Variants in LIN7A observed in about 807,000 individuals in gnomAD.
LIN7A encodes the protein protein lin-7 homolog A.
LIN7A carries 25 observed loss-of-function variants against 29.8 expected under a neutral mutation model. The observed-to-expected ratio is 0.84, with a 90% CI of 0.61 to 1.17. The LOEUF (loss-of-function observed/expected upper bound fraction) is 1.17. Among genes scored for constraint, LIN7A ranks in the 50% most tolerant of loss-of-function variants. The pLI, the probability that LIN7A is intolerant of heterozygous loss-of-function variation, is 0.00. For synonymous variants in LIN7A, 118 were observed against 107.5 expected (o/e 1.10, Z -0.60); for missense variants, 239 against 287.0 (o/e 0.83, Z 1.21).
intron 1 of LIN7A, among the ~76,000 whole-genome samples, chr12:80,896,048 A>G (rs564991297): frequency 6.6e-5 from 10 of 152,324 alleles, no homozygotes; most frequent in African/African-American, 1.9e-4. Flanking sequence ...TTTCCGGGAT[A>G]ATATTGATGC....
intron 4 of LIN7A, chr12:80,841,845 GATC>G: frequency 3.1e-6 from 3 of 970,074 alleles, no homozygotes; most frequent in Non-Finnish European, 3.7e-6. Flanking sequence ...GTGAAAAGGA[GATC>G]ATTAGAAAGC....
chr12:80,844,841 C>A (rs1872985165), intron 4 of LIN7A, among the ~76,000 whole-genome samples: 1 of 152,084 alleles, frequency 6.6e-6, no homozygotes, highest in Admixed American at 6.5e-5. Context: ...ACTCTAATTT[C>A]ATTTAAAAAC....
intron 4 of LIN7A, among the ~76,000 whole-genome samples, chr12:80,813,052 C>T (rs979717447): frequency 3.3e-5 from 5 of 151,940 alleles, no homozygotes; most frequent in Non-Finnish European, 5.9e-5. Context: ...GCTCTGTTGC[C>T]CAGGCTAGAG....
chr12:80,923,073 T>A (rs1877397793), intron 1 of LIN7A, among the ~76,000 whole-genome samples: 1 of 152,080 alleles, frequency 6.6e-6, no homozygotes, highest in African/African-American at 2.4e-5. Flanking sequence ...GTAAAGAAGA[T>A]CCACCCTCAC....
At chr12:80,903,443 T>C (rs772844652) in intron 1 of LIN7A, among the ~76,000 whole-genome samples, 82 of 152,108 alleles carry the variant, frequency 5.4e-4, no homozygotes, top group Non-Finnish European at 8.2e-4. Context: ...CACTTATAAG[T>C]GAGAACATGT....
At chr12:80,802,590 T>A (rs1423926842) in intron 5 of LIN7A, among the ~76,000 whole-genome samples, 1 of 152,168 alleles carries the variant, frequency 6.6e-6, no homozygotes, top group South Asian at 2.1e-4. Flanking sequence ...CCACCACTGG[T>A]GCACAAGGAT....
At chr12:80,878,152 T>C (rs1874814817) in intron 2 of LIN7A, among the ~76,000 whole-genome samples, 4 of 152,318 alleles carry the variant, frequency 2.6e-5, no homozygotes, top group Admixed American at 1.3e-4. Flanking sequence ...TTATAGATGA[T>C]TTTTAAGGGT....
chr12:80,800,266 G>A (rs1870651996), intron 5 of LIN7A, among the ~76,000 whole-genome samples: 1 of 152,056 alleles, frequency 6.6e-6, no homozygotes, highest in Non-Finnish European at 1.5e-5. Context: ...GAGGCTGGCG[G>A]ATCATCTGAG....
chr12:80,885,099 A>G (rs751969446), intron 2 of LIN7A, among the ~76,000 whole-genome samples: 1 of 152,138 alleles, frequency 6.6e-6, no homozygotes, highest in Non-Finnish European at 1.5e-5. Context: ...TCACTTATAC[A>G]TTTATTGATT....
intron 1 of LIN7A, among the ~76,000 whole-genome samples, chr12:80,929,238 T>A (rs1284672961): frequency 6.6e-6 from 1 of 152,212 alleles, no homozygotes; most frequent in African/African-American, 2.4e-5. Flanking sequence ...CAGACACCAG[T>A]ACAATCAATA....
intron 2 of LIN7A, among the ~76,000 whole-genome samples, chr12:80,856,053 A>G (rs7311020): frequency 0.34 from 51,946 of 151,952 alleles, 10,492 homozygotes; most frequent in African/African-American, 0.57. Flanking sequence ...TAAACTAAAA[A>G]ATTTAGGTTA....
chr12:80,814,602 G>C (rs1445567935), intron 4 of LIN7A, among the ~76,000 whole-genome samples: 1 of 152,090 alleles, frequency 6.6e-6, no homozygotes, highest in African/African-American at 2.4e-5. Context: ...TGGTACTAAT[G>C]TGTGTGGGCC....
Position 80,807,063 on chromosome 12 carries a change from G to GTTTTTTTTTTTTTTTTTTTTTTTT in LIN7A, c.*4378_*4401dup, listed in dbSNP as rs71094991. ...CCATAGGAAATTTAATGAAGATGGAGTTTTTTTTTTTTTTTTTTTTTTTTT... is the reference window on the plus strand; with the variant it reads ...CCATAGGAAATTTAATGAAGATGGAGTTTTTTTTTTTTTTTTTTTTTTTTTTTTTTTTTTTTTTTTTTTTTTTTT... On this transcript the variant is annotated intron_variant, in intron 5 of 5. Transcript: ENST00000552864. Among the ~76,000 whole-genome samples, 10 of 53,582 alleles carry GTTTTTTTTTTTTTTTTTTTTTTTT rather than the reference G, an allele frequency of 1.9e-4. 1 individual carries two copies. The highest frequency in any genetic ancestry group is 8.7e-4 in the African/African-American group (10 of 11,532). 35.2% of individuals were successfully genotyped at this position (53,582 alleles called of 152,430 possible). A position where few individuals can be genotyped will look rare whatever the true frequency, so the allele number is the denominator to read the frequency against.
chr12:80,799,739 A>G (rs1870625143), intron 5 of LIN7A, among the ~76,000 whole-genome samples: 1 of 152,188 alleles, frequency 6.6e-6, no homozygotes, highest in Non-Finnish European at 1.5e-5. Flanking sequence ...CAAATAATAA[A>G]CATTAATGAA....
At chr12:80,879,600 A>C (rs568850239) in intron 2 of LIN7A, among the ~76,000 whole-genome samples, 162 of 144,882 alleles carry the variant, frequency 1.1e-3, no homozygotes, top group Non-Finnish European at 2.0e-3. Context: ...GCTACTCTGG[A>C]ACACTTTGCC....
chr12:80,891,479 C>T (rs1452436749), intron 1 of LIN7A, among the ~76,000 whole-genome samples: 1 of 152,194 alleles, frequency 6.6e-6, no homozygotes, highest in Non-Finnish European at 1.5e-5. Flanking sequence ...GAATTCCACA[C>T]CTATGTTTTG....
rs1487039751 is a variant in LIN7A, at chr12:80,841,392, GAA to G, written c.483+4336_483+4337del. Among the ~76,000 whole-genome samples the G allele has an allele frequency of 1.0e-3, 153 of 149,968 alleles. 2 individuals carry two copies. The highest frequency in any genetic ancestry group is 3.5e-3 in the African/African-American group (142 of 40,086). ...GGAAGGAAGGAAGGAAGGAAGGAAG[GAA>G]GGAAGGAAGGAAGGAGGGAAAGAAA... On this transcript the variant is annotated intron_variant, in intron 4 of 5. Transcript: ENST00000552864.
chr12:80,902,623 A>G lies in LIN7A; in HGVS notation c.83-13254T>C, dbSNP rs899593966. Among the ~76,000 whole-genome samples the G allele has an allele frequency of 4.6e-5, 7 of 151,854 alleles. No individual in the cohort carries two copies. In the East Asian group the frequency reaches 9.7e-4, roughly 21 times the overall value. ...TAGGTATTTCATTTTCTTTGTGGCT[A>G]TGGTAAGTGGGATTGTGTTTTTGAT... On this transcript the variant is annotated intron_variant, in intron 1 of 5. Coordinates refer to ENST00000552864, the MANE Select transcript of LIN7A (RefSeq NM_004664.4).
chr12:80,803,537 A>G (rs1316358948), intron 5 of LIN7A, among the ~76,000 whole-genome samples: 1 of 152,142 alleles, frequency 6.6e-6, no homozygotes, highest in Non-Finnish European at 1.5e-5. Flanking sequence ...TAGCTTTGTA[A>G]TAGACCCTGA....
Sources: allele counts gnomAD v4.1 joint callset (sites outside exome capture counted in the v4.1 genomes callset), GRCh38; gene constraint gnomAD v4.1.1; transcripts MANE v1.5; gene names NCBI Gene and HGNC (gene_info 2026-07-23, HGNC 2026-07-21).